The following GPR39 variants were observed in gnomAD, a reference collection of about 807,000 sequenced individuals.
The protein encoded by GPR39 is G protein-coupled receptor 39.
A neutral mutation model predicts 18.4 loss-of-function variants in GPR39; 23 were observed. That is an observed-to-expected ratio of 1.25 (90% confidence interval 0.90 to 1.77). The LOEUF (loss-of-function observed/expected upper bound fraction) is 1.77, where lower values mean the gene tolerates loss of function less well. Ranked by LOEUF, GPR39 falls within the 40% of genes most tolerant of loss-of-function variation. GPR39 has a pLI of 0.00. For missense variants in GPR39, 647 were observed against 602.4 expected (o/e 1.07, Z -0.78); for synonymous variants, 280 against 257.9 (o/e 1.09, Z -0.82).
At chr2:132,516,297 G>C (rs1337013591) in intron 1 of GPR39, among the ~76,000 whole-genome samples, 2 of 152,318 alleles carry the variant, frequency 1.3e-5, no homozygotes, top group East Asian at 1.9e-4. Context: ...CAGACAACGG[G>C]TCTCTAGGAA....
intron 1 of GPR39, among the ~76,000 whole-genome samples, chr2:132,638,849 G>T (rs1681812245): frequency 6.6e-6 from 1 of 152,154 alleles, no homozygotes; most frequent in Admixed American, 6.5e-5. Flanking sequence ...TGTCCACAAA[G>T]CCTGATGGAG....
intron 1 of GPR39, among the ~76,000 whole-genome samples, chr2:132,516,558 T>A (rs1679338220): frequency 6.6e-6 from 1 of 152,194 alleles, no homozygotes. Context: ...CAGTGGGGGC[T>A]CACCTGAGGC....
chr2:132,537,659 C>A (rs561359601), intron 1 of GPR39, among the ~76,000 whole-genome samples: 1 of 152,192 alleles, frequency 6.6e-6, no homozygotes, highest in East Asian at 1.9e-4. Context: ...GTTCCATTCT[C>A]TCCATCTTTT....
chr2:132,481,508 A>G (rs1253519483), intron 1 of GPR39, among the ~76,000 whole-genome samples: 1 of 152,240 alleles, frequency 6.6e-6, no homozygotes, highest in African/African-American at 2.4e-5. Context: ...TGGGATTGGA[A>G]TGGGATGCAA....
chr2:132,578,338 T>C (rs1172790511), intron 1 of GPR39, among the ~76,000 whole-genome samples: 1 of 152,176 alleles, frequency 6.6e-6, no homozygotes, highest in Non-Finnish European at 1.5e-5. Flanking sequence ...TTTTTAGTTA[T>C]ATTTTTTGTA....
intron 1 of GPR39, among the ~76,000 whole-genome samples, chr2:132,428,937 G>C (rs967915977): frequency 1.8e-4 from 28 of 152,154 alleles, no homozygotes; most frequent in Admixed American, 1.8e-3. Context: ...ATTGGGGGTC[G>C]GGGTTTCCCC....
chr2:132,633,657 T>A (rs2104872181), intron 1 of GPR39, among the ~76,000 whole-genome samples: 1 of 151,956 alleles, frequency 6.6e-6, no homozygotes, highest in East Asian at 1.9e-4. Context: ...ATGGTGGTGG[T>A]GAGTACTGAT....
At chr2:132,474,267 C>T (rs1573619573) in intron 1 of GPR39, among the ~76,000 whole-genome samples, 1 of 152,216 alleles carries the variant, frequency 6.6e-6, no homozygotes, top group African/African-American at 2.4e-5. Context: ...TTACACAATT[C>T]TTCCTCAAGG....
intron 1 of GPR39, among the ~76,000 whole-genome samples, chr2:132,518,293 G>C (rs1679367844): frequency 6.6e-6 from 1 of 152,208 alleles, no homozygotes; most frequent in African/African-American, 2.4e-5. Context: ...ATCCATAATA[G>C]TACATTCAGC....
intron 1 of GPR39, among the ~76,000 whole-genome samples, chr2:132,515,066 G>A (rs1178507212): frequency 6.6e-6 from 1 of 152,210 alleles, no homozygotes. Context: ...CTACAATTGT[G>A]ATGACCATTG....
At chr2:132,421,083 C>T (rs1293373982) in intron 1 of GPR39, among the ~76,000 whole-genome samples, 3 of 152,218 alleles carry the variant, frequency 2.0e-5, no homozygotes, top group African/African-American at 7.2e-5. Context: ...ATTTCTGCCT[C>T]TTCTGGAGGA....
intron 1 of GPR39, among the ~76,000 whole-genome samples, chr2:132,605,106 G>A (rs1315388348): frequency 6.6e-6 from 1 of 152,172 alleles, no homozygotes; most frequent in African/African-American, 2.4e-5. Context: ...CATTCCCAAG[G>A]TCACATAAGA....
chr2:132,609,013 G>T (rs1681191260), intron 1 of GPR39, among the ~76,000 whole-genome samples: 1 of 152,150 alleles, frequency 6.6e-6, no homozygotes, highest in African/African-American at 2.4e-5. Context: ...AATGGGGAGG[G>T]GGTGCTGTTG....
chr2:132,489,206 C>T (rs1314836302), intron 1 of GPR39: 1 of 211,912 alleles, frequency 4.7e-6, no homozygotes, highest in Non-Finnish European at 1.0e-5. Flanking sequence ...TATCATTCCT[C>T]TTGGTGAAAC....
intron 1 of GPR39, among the ~76,000 whole-genome samples, chr2:132,602,303 A>G (rs1681057439): frequency 6.6e-6 from 1 of 152,204 alleles, no homozygotes; most frequent in African/African-American, 2.4e-5. Context: ...ACTCTCTTCA[A>G]TAAATGGTGC....
chr2:132,417,377 C>T lies in GPR39; in HGVS notation c.335C>T (p.Thr112Ile). Residue 112 changes from threonine (T) to isoleucine (I), a missense_variant, in exon 1 of 2, where the codon ACT becomes ATT. Coordinates refer to ENST00000329321, the MANE Select transcript of GPR39 (RefSeq NM_001508.3). ...SSYTLSCKLH[T>I]FLFEACSYAT... ...TACACCCTGTCCTGCAAGCTGCACA[C>T]TTTCCTCTTCGAGGCCTGCAGCTAC... The T allele has an allele frequency of 6.2e-7, 1 of 1,614,230 alleles. No individual in the cohort carries two copies. The highest frequency in any genetic ancestry group is 2.2e-5 in the East Asian group (1 of 44,872).
chr2:132,544,706 G>A (rs1236627840), intron 1 of GPR39, among the ~76,000 whole-genome samples: 3 of 152,334 alleles, frequency 2.0e-5, no homozygotes, highest in African/African-American at 7.2e-5. Flanking sequence ...GCTTGTATCT[G>A]TGTTCAGTGG....
At chr2:132,630,767 T>C (rs1309939411) in intron 1 of GPR39, among the ~76,000 whole-genome samples, 2 of 151,744 alleles carry the variant, frequency 1.3e-5, no homozygotes, top group Admixed American at 6.6e-5. Context: ...TAGGGATCGA[T>C]TGGATGTGGG....
intron 1 of GPR39, among the ~76,000 whole-genome samples, chr2:132,564,655 G>A (rs888977396): frequency 6.6e-6 from 1 of 151,986 alleles, no homozygotes; most frequent in Non-Finnish European, 1.5e-5. Flanking sequence ...TGCTCAAAAA[G>A]ATGCATGTAA....
Sources: gnomAD v4.1 joint callset for allele counts (sites outside exome capture counted in the v4.1 genomes callset) on GRCh38, gnomAD v4.1.1 for gene constraint, MANE v1.5 for transcripts, NCBI Gene and HGNC (gene_info 2026-07-23, HGNC 2026-07-21) for gene names.